The following PIAS2 variants were observed in gnomAD, a reference collection of about 807,000 sequenced individuals.
PIAS2 encodes protein inhibitor of activated STAT 2.
In PIAS2, 19 loss-of-function variants were observed where a neutral mutation model predicts 69.7. The ratio of observed to expected loss-of-function variants is 0.27; its 90% confidence interval spans 0.19 to 0.40. The LOEUF (loss-of-function observed/expected upper bound fraction) is 0.40, where lower values mean the gene tolerates loss of function less well. Among genes scored for constraint, PIAS2 ranks in the 10% least tolerant of loss-of-function variants. The pLI, the probability that PIAS2 is intolerant of heterozygous loss-of-function variation, is 1.00. For missense variants in PIAS2, 624 were observed against 757.0 expected (o/e 0.82, Z 2.06); for synonymous variants, 261 against 263.2 (o/e 0.99, Z 0.08).
chr18:46,830,412 T>C (rs1029782698), intron 9 of PIAS2, among the ~76,000 whole-genome samples: 1 of 151,938 alleles, frequency 6.6e-6, no homozygotes, highest in African/African-American at 2.4e-5. Flanking sequence ...GAGTCAAAGA[T>C]AAAAATAAGA....
At chr18:46,830,925 T>C (rs1296534063) in intron 9 of PIAS2, among the ~76,000 whole-genome samples, 2 of 152,182 alleles carry the variant, frequency 1.3e-5, no homozygotes, top group Non-Finnish European at 2.9e-5. Context: ...CCATGAACTC[T>C]GCAAAACAAA....
rs1363403534 is a variant in PIAS2, at chr18:46,803,508, T to C, written c.*8925A>G. 1.3e-5 allele frequency: 2 copies of C among 152,182 alleles called. No homozygotes were observed. Among genetic ancestry groups the C allele is most frequent in the South Asian group, 2.1e-4 (1 of 4,826 alleles). The allele number at this position is 152,182 out of a possible 1,614,324, so 9.4% of individuals were successfully genotyped here. A position where few individuals can be genotyped will look rare whatever the true frequency, so the allele number is the denominator to read the frequency against. ...TCACTCATCAACTCCTCTGGATGAG[T>C]TCATCCACTTTCATAGTTTCAGTGC... On this transcript the variant is annotated 3_prime_UTR_variant, in exon 14 of 14. Transcript: ENST00000585916.
At chr18:46,853,224 T>A (rs2047236748) in intron 5 of PIAS2, 1 of 113,664 alleles carries the variant, frequency 8.8e-6, no homozygotes, top group Admixed American at 8.6e-5. Context: ...GACTGCAGAG[T>A]GAGCCGAGAC....
At chr18:46,892,177 C>A (rs1435875961) in intron 1 of PIAS2, among the ~76,000 whole-genome samples, 2 of 152,054 alleles carry the variant, frequency 1.3e-5, no homozygotes, top group African/African-American at 4.8e-5. Flanking sequence ...TTGCTCTGTA[C>A]TTTTTAAGTC....
chr18:46,807,410 T>TTTTTTTTTG lies in PIAS2; in HGVS notation c.*5022_*5023insCAAAAAAAA, dbSNP rs2040764255. 3.5e-5 allele frequency: 4 copies of TTTTTTTTTG among 113,876 alleles called. No individual in the cohort carries two copies. Among genetic ancestry groups the TTTTTTTTTG allele is most frequent in the Admixed American group, 8.9e-5 (1 of 11,238 alleles). 7.1% of individuals were successfully genotyped at this position (113,876 alleles called of 1,614,324 possible). On this transcript the variant is annotated 3_prime_UTR_variant, in exon 14 of 14. Coordinates refer to ENST00000585916, the MANE Select transcript of PIAS2 (RefSeq NM_004671.5). The stretch of plus-strand genomic sequence containing the variant: ...TTTTTTTTTTTTTTTTTTTTTTTTT[T>TTTTTTTTTG]AGAGAGTCTTGCTTTGTTACCCAGG...
At chr18:46,910,040 C>T (rs961981397) in intron 1 of PIAS2, among the ~76,000 whole-genome samples, 3 of 152,140 alleles carry the variant, frequency 2.0e-5, no homozygotes, top group South Asian at 2.1e-4. Flanking sequence ...CCTGTAATCC[C>T]GGCTACTCGG....
At chr18:46,869,656 A>AAC (rs905859150) in intron 2 of PIAS2, among the ~76,000 whole-genome samples, 10 of 152,172 alleles carry the variant, frequency 6.6e-5, no homozygotes, top group African/African-American at 2.4e-4. Context: ...CTTAGGTCTC[A>AAC]TGTTAACATA....
intron 2 of PIAS2, among the ~76,000 whole-genome samples, chr18:46,878,981 G>T (rs1270907302): frequency 6.6e-6 from 1 of 152,224 alleles, no homozygotes; most frequent in Admixed American, 6.5e-5. Flanking sequence ...TTTTTAGGGA[G>T]TTTTGTGGAT....
chr18:46,864,325 T>C, intron 2 of PIAS2, 77 bp from the exon 3 acceptor site: 1 of 953,544 alleles, frequency 1.0e-6, no homozygotes, highest in Non-Finnish European at 1.6e-6. Context: ...TAACCAGGCA[T>C]TTTTTATAAA....
chr18:46,876,514 T>C (rs1338081111), intron 2 of PIAS2, among the ~76,000 whole-genome samples: 3 of 152,266 alleles, frequency 2.0e-5, no homozygotes, highest in Middle Eastern at 3.4e-3. Context: ...GAAAATAGAA[T>C]AGCATTAGAC....
chr18:46,826,212 A>C (rs2042829473), intron 11 of PIAS2, among the ~76,000 whole-genome samples: 1 of 152,232 alleles, frequency 6.6e-6, no homozygotes, highest in South Asian at 2.1e-4. Context: ...GAGGAACCTT[A>C]ACATTTATCT....
At chr18:46,818,418 C>T in intron 12 of PIAS2, 1 of 1,583,018 alleles carries the variant, frequency 6.3e-7, no homozygotes, top group Non-Finnish European at 8.6e-7. Context: ...AGCTTCAGTT[C>T]ATTATTAATA....
At position 46,809,022 on chromosome 18, in the gene PIAS2, A is replaced by T. The variant is rs2040846649; in HGVS notation, c.*3411T>A. Reference sequence around the variant, plus strand: ...TCTTGGACTGGTCTGAAGGAAGAACATCTGAAAGGTCTGAATGTCAAAGTC... The same window carrying T: ...TCTTGGACTGGTCTGAAGGAAGAACTTCTGAAAGGTCTGAATGTCAAAGTC... On this transcript the variant is annotated 3_prime_UTR_variant, in exon 14 of 14. Transcript: ENST00000585916. The T allele has an allele frequency of 1.3e-5, 2 of 152,210 alleles. No individual in the cohort carries two copies. Among genetic ancestry groups the T allele is most frequent in the South Asian group, 2.1e-4 (1 of 4,832 alleles). 9.4% of individuals were successfully genotyped at this position (152,210 alleles called of 1,614,324 possible).
At chr18:46,877,361 G>C (rs1452807577) in intron 2 of PIAS2, among the ~76,000 whole-genome samples, 1 of 152,046 alleles carries the variant, frequency 6.6e-6, no homozygotes, top group Non-Finnish European at 1.5e-5. Context: ...CTTTGTTCTC[G>C]AGATCAACTT....
rs928804652 is a variant in PIAS2, at chr18:46,804,592, C to T, written c.*7841G>A. The T allele has an allele frequency of 1.3e-5, 2 of 152,210 alleles. No homozygotes were observed. The highest frequency in any genetic ancestry group is 6.5e-5 in the Admixed American group (1 of 15,278). The allele number at this position is 152,210 out of a possible 1,614,324, so 9.4% of individuals were successfully genotyped here. ...TTTCTCAATATTCCTTAGCAAACTT[C>T]CAGCAATTCTAAACATTTCTGGCCC... On this transcript the variant is annotated 3_prime_UTR_variant, in exon 14 of 14. Coordinates refer to ENST00000585916, the MANE Select transcript of PIAS2 (RefSeq NM_004671.5).
chr18:46,815,681 G>T (rs1435469094), intron 12 of PIAS2: 1 of 1,010,396 alleles, frequency 9.9e-7, no homozygotes, highest in Non-Finnish European at 1.2e-6. Context: ...TAATGATCTG[G>T]ATTTGAACCA....
In PIAS2 at chr18:46,890,955, G is replaced by A; in HGVS notation, c.124C>T (p.Leu42=). ...CTGCAGCCGCTCTTCAATAAATGCAGCGCCCTCATCAGGAGGTCATGCTTG... is the reference window on the plus strand; with the variant it reads ...CTGCAGCCGCTCTTCAATAAATGCAACGCCCTCATCAGGAGGTCATGCTTG... The part of the protein sequence containing the change: ...GRKHDLLMRA[L]HLLKSGCSPA... The change falls in exon 2 of 14, where the codon CTG becomes TTG. Residue 42 remains leucine (L), a synonymous_variant. Transcript: ENST00000585916. 2 of 1,614,072 alleles carry A rather than the reference G, an allele frequency of 1.2e-6. No individual in the cohort carries two copies. The highest frequency in any genetic ancestry group is 8.5e-7 in the Non-Finnish European group (1 of 1,180,016).
intron 3 of PIAS2, among the ~76,000 whole-genome samples, chr18:46,861,692 G>A (rs894587622): frequency 2.0e-5 from 3 of 152,128 alleles, no homozygotes; most frequent in African/African-American, 7.2e-5. Context: ...CCCCAAATCA[G>A]AAAGAGTCTA....
chr18:46,862,646 C>A (rs902562609), intron 3 of PIAS2, among the ~76,000 whole-genome samples: 1 of 151,458 alleles, frequency 6.6e-6, no homozygotes, highest in Admixed American at 6.6e-5. Context: ...CATATATATA[C>A]ACATATATAC....
Sources: allele counts gnomAD v4.1 joint callset (sites outside exome capture counted in the v4.1 genomes callset), GRCh38; gene constraint gnomAD v4.1.1; transcripts MANE v1.5; gene names NCBI Gene and HGNC (gene_info 2026-07-23, HGNC 2026-07-21).